AMBRA1: variants seen among roughly 807,000 people sequenced by gnomAD.
The protein encoded by AMBRA1 is autophagy and beclin 1 regulator 1.
A neutral mutation model predicts 125.4 loss-of-function variants in AMBRA1; 47 were observed. The ratio of observed to expected loss-of-function variants is 0.37; its 90% CI spans 0.30 to 0.48. The LOEUF is 0.48. Among genes scored for constraint, AMBRA1 ranks in the 20% least tolerant of loss-of-function variants. The probability of loss-of-function intolerance (pLI) is 0.99; values close to 1 mark genes in which losing one functional copy is unlikely to be tolerated. For synonymous variants in AMBRA1, 626 were observed against 655.5 expected (o/e 0.95, Z 0.69); for missense variants, 1,331 against 1,693.4 (o/e 0.79, Z 3.76).
chr11:46,400,026 T>G (rs61882690), intron 17 of AMBRA1, among the ~76,000 whole-genome samples: 1,841 of 152,246 alleles, frequency 0.012, 18 homozygotes, highest in Non-Finnish European at 0.021. Context: ...GCCCAGGCAC[T>G]TGGTCAACGG....
At chr11:46,555,596 A>G (rs1565292116) in intron 1 of AMBRA1, among the ~76,000 whole-genome samples, 2 of 152,252 alleles carry the variant, frequency 1.3e-5, no homozygotes. Flanking sequence ...ACAATTCCCA[A>G]GAGTAGCAGA....
chr11:46,467,684 C>T (rs1439525343), intron 11 of AMBRA1, among the ~76,000 whole-genome samples: 1 of 151,716 alleles, frequency 6.6e-6, no homozygotes, highest in Non-Finnish European at 1.5e-5. Flanking sequence ...GAGTAGCACA[C>T]CACCATACCC....
At chr11:46,496,116 G>A (rs747601193) in intron 9 of AMBRA1, among the ~76,000 whole-genome samples, 1 of 151,990 alleles carries the variant, frequency 6.6e-6, no homozygotes, top group African/African-American at 2.4e-5. Flanking sequence ...GCTCACACCT[G>A]TAATCCCAAC....
chr11:46,544,311 C>G (rs1376931381), intron 5 of AMBRA1, among the ~76,000 whole-genome samples: 1 of 152,188 alleles, frequency 6.6e-6, no homozygotes, highest in African/African-American at 2.4e-5. Flanking sequence ...CTACCTTAAG[C>G]ACACCTTTGC....
At chr11:46,578,390 G>A (rs1453328235) in intron 1 of AMBRA1, among the ~76,000 whole-genome samples, 1 of 151,900 alleles carries the variant, frequency 6.6e-6, no homozygotes, top group Non-Finnish European at 1.5e-5. Flanking sequence ...GGGAGGCTGA[G>A]GCAACAGAGT....
intron 1 of AMBRA1, among the ~76,000 whole-genome samples, chr11:46,550,634 C>G (rs2042963459): frequency 1.3e-5 from 2 of 152,172 alleles, no homozygotes; most frequent in South Asian, 2.1e-4. Context: ...AGCTGGCTTT[C>G]TTGTACAAAT....
Position 46,574,437 on chromosome 11 carries a change from T to C in AMBRA1, c.-121+19391A>G, listed in dbSNP as rs565476810. 2.7e-3 allele frequency among the ~76,000 whole-genome samples: 412 copies of C among 151,848 alleles called. 2 individuals are homozygous for C. Among genetic ancestry groups the C allele is most frequent in the African/African-American group, 9.4e-3 (389 of 41,200 alleles). ...GCCAGTGATGATGAGCATTTTTTCA[T>C]GTGTTTTTTGGCTGCATAAATGTCT... On this transcript the variant is annotated intron_variant, in intron 1 of 17. Coordinates refer to ENST00000683756, the MANE Select transcript of AMBRA1 (RefSeq NM_001387011.1).
intron 11 of AMBRA1, among the ~76,000 whole-genome samples, chr11:46,492,933 T>A (rs1372472343): frequency 6.6e-6 from 1 of 152,036 alleles, no homozygotes; most frequent in African/African-American, 2.4e-5. Context: ...CCTGTAGTCC[T>A]AGCTACTCGG....
chr11:46,548,147 A>G, intron 2 of AMBRA1, 99 bp downstream of exon 2: 1 of 1,528,260 alleles, frequency 6.5e-7, no homozygotes, highest in East Asian at 2.3e-5. Context: ...CTCCCACACA[A>G]GATAAATATA....
intron 7 of AMBRA1, among the ~76,000 whole-genome samples, chr11:46,530,368 C>T (rs10160701): frequency 0.26 from 39,334 of 152,106 alleles, 7,133 homozygotes; most frequent in African/African-American, 0.52. Context: ...ATGACCTGCA[C>T]TGGGAGAAGG....
chr11:46,438,431 A>G (rs1415398766), intron 12 of AMBRA1, among the ~76,000 whole-genome samples: 1 of 152,244 alleles, frequency 6.6e-6, no homozygotes, highest in East Asian at 1.9e-4. Context: ...AATTATAAAC[A>G]AACACCTTGT....
chr11:46,555,239 C>A (rs1304139508), intron 1 of AMBRA1, among the ~76,000 whole-genome samples: 1 of 152,156 alleles, frequency 6.6e-6, no homozygotes, highest in East Asian at 1.9e-4. Context: ...TTATATTTAA[C>A]AACTACTCAT....
At chr11:46,492,910 G>A (rs12226785) in intron 11 of AMBRA1, among the ~76,000 whole-genome samples, 3 of 152,120 alleles carry the variant, frequency 2.0e-5, no homozygotes, top group African/African-American at 7.2e-5. Context: ...TTAGCTGGGC[G>A]TGGTGGCGGG....
At chr11:46,418,192 CT>C (rs924716096) in intron 14 of AMBRA1, 140 bp from the exon 15 acceptor site, 3 of 339,102 alleles carry the variant, frequency 8.8e-6, no homozygotes, top group Non-Finnish European at 4.5e-6. Flanking sequence ...CTTTTTTTTT[CT>C]TTTTTTTCTA....
At chr11:46,427,029 T>C (rs989876142) in intron 14 of AMBRA1, among the ~76,000 whole-genome samples, 9 of 152,186 alleles carry the variant, frequency 5.9e-5, no homozygotes, top group Admixed American at 3.3e-4. Flanking sequence ...TAGGTCACTT[T>C]TGGAAATCAA....
chr11:46,401,841 A>C (rs1303115262), intron 17 of AMBRA1, among the ~76,000 whole-genome samples: 1 of 152,210 alleles, frequency 6.6e-6, no homozygotes, highest in Non-Finnish European at 1.5e-5. Context: ...GCTCTGGTTA[A>C]GTCTGCACCC....
chr11:46,573,481 C>A (rs940719386), intron 1 of AMBRA1, among the ~76,000 whole-genome samples: 1 of 151,760 alleles, frequency 6.6e-6, no homozygotes, highest in African/African-American at 2.4e-5. Context: ...GGCAGAATAA[C>A]TGCACTGCAC....
intron 1 of AMBRA1, among the ~76,000 whole-genome samples, chr11:46,585,052 G>A (rs1213512291): frequency 6.9e-6 from 1 of 144,270 alleles, no homozygotes; most frequent in Non-Finnish European, 1.5e-5. Context: ...CTGGGCGACT[G>A]TGCTCTCTGT....
Position 46,543,443 on chromosome 11 carries a change from T to C in AMBRA1, c.619-45A>G, listed in dbSNP as rs200517459. On this transcript the variant is annotated intron_variant, in intron 6 of 17. Coordinates refer to ENST00000683756, the MANE Select transcript of AMBRA1 (RefSeq NM_001387011.1). ...GGGGCAGGGGGTAGAGCAAGGCAGT[T>C]AGGTAGAACCTCCAAGTAAATCAAG... is the stretch of plus-strand genomic sequence containing the variant. 3.8e-6 allele frequency: 6 copies of C among 1,589,492 alleles called. No homozygotes were observed. In the African/African-American group the frequency reaches 5.5e-5, roughly 14 times the overall value.
Sources: allele counts gnomAD v4.1 joint callset (sites outside exome capture counted in the v4.1 genomes callset), GRCh38; gene constraint gnomAD v4.1.1; transcripts MANE v1.5; gene names NCBI Gene and HGNC (gene_info 2026-07-23, HGNC 2026-07-21).